The following ZNF487 variants were observed in gnomAD, a reference collection of about 807,000 sequenced individuals.
ZNF487 encodes KRAB domain only 1.
A neutral mutation model predicts 3.0 loss-of-function variants in ZNF487; 4 were observed. The observed-to-expected ratio is 1.35, with a 90% CI of 0.66 to 3.08. The LOEUF (loss-of-function observed/expected upper bound fraction) is 3.08. Among genes scored for constraint, ZNF487 ranks in the 30% most tolerant of loss-of-function variants. The pLI is 0.01. For synonymous variants in ZNF487, 55 were observed against 34.6 expected (o/e 1.59, Z -2.06); for missense variants, 146 against 98.7 (o/e 1.48, Z -2.03).
At chr10:43,504,645 A>G in the ZNF487 span, among the ~76,000 whole-genome samples, 1 of 151,460 alleles carries the variant, frequency 6.6e-6, no homozygotes, top group East Asian at 2.0e-4. Context: ...TTATGAAATA[A>G]CTTTTTTAGT....
At chr10:43,492,511 G>T in the ZNF487 span, among the ~76,000 whole-genome samples, 2 of 151,390 alleles carry the variant, frequency 1.3e-5, no homozygotes, top group Non-Finnish European at 2.9e-5. Context: ...GAGTGTAGTG[G>T]CATGATCTCG....
At chr10:43,508,384 C>T in the ZNF487 span, among the ~76,000 whole-genome samples, 1 of 152,228 alleles carries the variant, frequency 6.6e-6, no homozygotes, top group South Asian at 2.1e-4. Flanking sequence ...CAAGATACCA[C>T]ATGGTCATAG....
At chr10:43,464,787 C>T (rs191399181) in intron 1 of ZNF487, among the ~76,000 whole-genome samples, 7,301 of 152,312 alleles carry the variant, frequency 0.048, 253 homozygotes, top group South Asian at 0.12. Flanking sequence ...ACAGACACAG[C>T]AACCATCCAA....
At chr10:43,507,503 A>C in the ZNF487 span, among the ~76,000 whole-genome samples, 1 of 152,318 alleles carries the variant, frequency 6.6e-6, no homozygotes. Flanking sequence ...ATGAAGGTGC[A>C]AATCTGTTGT....
downstream of ZNF487, among the ~76,000 whole-genome samples, chr10:43,487,850 C>T (rs995435326): frequency 1.4e-5 from 2 of 146,326 alleles, no homozygotes; most frequent in East Asian, 2.0e-4. Flanking sequence ...TTTGGGAGGC[C>T]GAGGTGGGTG....
At chr10:43,478,532 A>G (rs1564427996) in intron 3 of ZNF487, among the ~76,000 whole-genome samples, 1 of 152,146 alleles carries the variant, frequency 6.6e-6, no homozygotes, top group Non-Finnish European at 1.5e-5. Context: ...CAGCTTGGGC[A>G]ACGAGAGCGA....
chr10:43,462,152 T>C (rs1034349364), intron 1 of ZNF487, among the ~76,000 whole-genome samples: 5 of 152,142 alleles, frequency 3.3e-5, no homozygotes, highest in African/African-American at 1.2e-4. Flanking sequence ...AATTACTCTT[T>C]CTGTTTGTTT....
the ZNF487 span, among the ~76,000 whole-genome samples, chr10:43,503,001 G>C: frequency 7.3e-6 from 1 of 137,094 alleles, no homozygotes. Context: ...CTGCACTCTA[G>C]CCTGGGAGAC....
intron 1 of ZNF487, among the ~76,000 whole-genome samples, chr10:43,459,254 T>A (rs764905581): frequency 2.0e-5 from 3 of 152,042 alleles, no homozygotes; most frequent in Non-Finnish European, 4.4e-5. Flanking sequence ...TTTTTAGGTG[T>A]AGTCTCACTT....
Position 43,482,550 on chromosome 10 carries a change from C to T in ZNF487, c.*628C>T, listed in dbSNP as rs752191760. 6 of 505,576 alleles carry T rather than the reference C, an allele frequency of 1.2e-5. No homozygotes were observed. The highest frequency in any genetic ancestry group is 2.4e-5 in the Non-Finnish European group (6 of 247,874). 31.3% of individuals were successfully genotyped at this position (505,576 alleles called of 1,614,324 possible). A position where few individuals can be genotyped will look rare whatever the true frequency, so the allele number is the denominator to read the frequency against. ...TGAGAAGTCAAATCTTCATGTACAT[C>T]AGAGAACACACACAGGAGAGAAACC... On this transcript the variant is annotated 3_prime_UTR_variant, in exon 4 of 4. Transcript: ENST00000437590.
the ZNF487 span, among the ~76,000 whole-genome samples, chr10:43,510,452 C>T: frequency 2.0e-5 from 3 of 152,220 alleles, no homozygotes; most frequent in Admixed American, 2.0e-4. Flanking sequence ...TCCTGTATTC[C>T]ATGCATACTC....
chr10:43,441,650 G>A (rs1297818639), intron 1 of ZNF487, among the ~76,000 whole-genome samples: 1 of 151,996 alleles, frequency 6.6e-6, no homozygotes, highest in African/African-American at 2.4e-5. Flanking sequence ...GCAGTGGTGC[G>A]ATCTCGGCTC....
At chr10:43,448,191 G>A (rs577132965) in intron 1 of ZNF487, among the ~76,000 whole-genome samples, 144 of 151,570 alleles carry the variant, frequency 9.5e-4, no homozygotes, top group African/African-American at 3.4e-3. Flanking sequence ...GGGTTTCACC[G>A]TGTTGGCCAG....
chr10:43,450,981 CTT>C lies in ZNF487; in HGVS notation c.-94+13720_-94+13721del, dbSNP rs1839987313. The stretch of plus-strand genomic sequence containing the variant: ...TTATTTTTTGAGATGGAGTTTCGCT[CTT>C]GTTGCCCAGGCTGGAGTGCAATGGC... On this transcript the variant is annotated intron_variant, in intron 1 of 3. Coordinates refer to ENST00000437590, the MANE Select transcript of ZNF487 (RefSeq NM_001355444.3). 2.6e-5 allele frequency among the ~76,000 whole-genome samples: 4 copies of C among 151,882 alleles called. No individual in the cohort carries two copies. In the South Asian group the frequency reaches 8.3e-4, roughly 31 times the overall value.
At chr10:43,449,164 C>T (rs570849732) in intron 1 of ZNF487, among the ~76,000 whole-genome samples, 18 of 151,756 alleles carry the variant, frequency 1.2e-4, no homozygotes, top group Middle Eastern at 3.4e-3. Flanking sequence ...CAGGGCATGG[C>T]GGCGTGGGCC....
chr10:43,509,200 A>C, the ZNF487 span, among the ~76,000 whole-genome samples: 1 of 151,936 alleles, frequency 6.6e-6, no homozygotes, highest in Admixed American at 6.6e-5. Flanking sequence ...TCCAAAAAAA[A>C]AAAAAAGAAT....
the ZNF487 span, among the ~76,000 whole-genome samples, chr10:43,515,829 C>T: frequency 6.6e-6 from 1 of 152,110 alleles, no homozygotes; most frequent in Non-Finnish European, 1.5e-5. Context: ...GGCTGGAGTG[C>T]AGCGGTGCAA....
At chr10:43,523,644 T>G in the ZNF487 span, 1 of 152,760 alleles carries the variant, frequency 6.5e-6, no homozygotes, top group Non-Finnish European at 1.5e-5. Context: ...GAAGCAAATT[T>G]TTGAATACCT....
the ZNF487 span, among the ~76,000 whole-genome samples, chr10:43,493,709 A>AAAAT: frequency 2.3e-4 from 10 of 43,720 alleles, no homozygotes; most frequent in Non-Finnish European, 2.8e-4. Flanking sequence ...AAAAAAAAAA[A>AAAAT]ATATATATAT....
Sources: gnomAD v4.1 joint callset for allele counts (sites outside exome capture counted in the v4.1 genomes callset) on GRCh38, gnomAD v4.1.1 for gene constraint, MANE v1.5 for transcripts, NCBI Gene and HGNC (gene_info 2026-07-23, HGNC 2026-07-21) for gene names.